Variants in TMEM11 observed in about 807,000 individuals in gnomAD.
TMEM11 encodes transmembrane protein 11, mitochondrial.
A neutral mutation model predicts 17.0 loss-of-function variants in TMEM11; 1 was observed. The ratio of observed to expected loss-of-function variants is 0.06; its 90% CI spans 0.02 to 0.28. TMEM11 has a LOEUF of 0.28. TMEM11 is among the 10% of genes least tolerant of loss of function. TMEM11 has a pLI of 1.00. For missense variants in TMEM11, 172 were observed against 252.9 expected (o/e 0.68, Z 2.17); for synonymous variants, 122 against 118.1 (o/e 1.03, Z -0.21).
chr17:21,198,825 G>T lies in TMEM11; in HGVS notation c.78C>A (p.Ala26=). 6.2e-7 allele frequency: 1 copy of T among 1,609,604 alleles called. No individual in the cohort carries two copies. The highest frequency in any genetic ancestry group is 8.5e-7 in the Non-Finnish European group (1 of 1,177,116). Residue 26 remains alanine (A), a synonymous_variant, in exon 2 of 2, where the codon GCC becomes GCA. Coordinates refer to ENST00000317635, the MANE Select transcript of TMEM11 (RefSeq NM_003876.3). The surrounding 1 kb of genome is among the most constrained non-coding windows in gnomAD (Gnocchi z 6.5). ...TCTCATGCACAATGTAGCAGTCTGT[G>T]GCCGACAAGCTCACCCTTTTGATGG... is the stretch of plus-strand genomic sequence containing the variant. ...GSARERVSLS[A]TDCYIVHEIY... is the part of the protein sequence containing the mutation.
intron 1 of TMEM11, among the ~76,000 whole-genome samples, chr17:21,201,331 C>A (rs1319714533): frequency 6.6e-6 from 1 of 152,210 alleles, no homozygotes; most frequent in Non-Finnish European, 1.5e-5. Context: ...GGCAAAGCCT[C>A]CTAATTCAAT....
At chr17:21,211,229 T>C (rs1974999686) in intron 1 of TMEM11, 2 of 1,288,976 alleles carry the variant, frequency 1.6e-6, no homozygotes, top group African/African-American at 3.0e-5. Flanking sequence ...GTTGGTTCCC[T>C]AGATTTAATG....
intron 1 of TMEM11, among the ~76,000 whole-genome samples, chr17:21,201,166 A>AT (rs1974878954): frequency 6.6e-6 from 1 of 152,232 alleles, no homozygotes; most frequent in African/African-American, 2.4e-5. Context: ...CACATTAAAG[A>AT]TGAAAGTCAT....
chr17:21,203,341 G>C (rs1457414341), intron 1 of TMEM11, among the ~76,000 whole-genome samples: 3 of 152,214 alleles, frequency 2.0e-5, no homozygotes, highest in Non-Finnish European at 4.4e-5. Context: ...TGCAGACACA[G>C]GTTTTTTAGC....
Position 21,208,142 on chromosome 17 carries a change from G to C in TMEM11, c.62+5949C>G, listed in dbSNP as rs182285713. On this transcript the variant is annotated intron_variant, in intron 1 of 1. Coordinates refer to ENST00000317635, the MANE Select transcript of TMEM11 (RefSeq NM_003876.3). ...AGAGTAGCTGGGACTACAGGCAATC[G>C]CCACCACGCCCGGCTAATTTTTTGT... is the stretch of plus-strand genomic sequence containing the variant. Among the ~76,000 whole-genome samples, 382 of 151,178 alleles carry C rather than the reference G, an allele frequency of 2.5e-3. 2 individuals carry two copies. The highest frequency in any genetic ancestry group is 0.018 in the Admixed American group (275 of 15,146).
rs771684408 is a variant in TMEM11 at position 21,210,930 on chromosome 17, A to T, written c.62+3161T>A. The T allele has an allele frequency of 4.7e-6, 6 of 1,281,680 alleles. No homozygotes were observed. In the African/African-American group the frequency reaches 7.6e-5, roughly 16 times the overall value. 79.4% of individuals were successfully genotyped at this position (1,281,680 alleles called of 1,614,324 possible). ...CAGGAACTCAAGAGCACACAGCTAT[A>T]CTCACATTCCAACAATCACGGAGGG... On this transcript the variant is annotated intron_variant, in intron 1 of 1. Transcript: ENST00000317635.
chr17:21,199,093 G>T (rs1005315641), intron 1 of TMEM11, among the ~76,000 whole-genome samples: 3 of 151,936 alleles, frequency 2.0e-5, no homozygotes, highest in African/African-American at 2.4e-5. Flanking sequence ...AGGCCGGGGG[G>T]GCGGATCATG....
intron 1 of TMEM11, among the ~76,000 whole-genome samples, chr17:21,202,852 TC>T (rs1420529364): frequency 2.0e-5 from 3 of 152,204 alleles, no homozygotes; most frequent in Non-Finnish European, 2.9e-5. Flanking sequence ...ATGGGGGCAC[TC>T]GCCAGCACAC....
chr17:21,207,084 T>C (rs1974950160), intron 1 of TMEM11, among the ~76,000 whole-genome samples: 1 of 152,188 alleles, frequency 6.6e-6, no homozygotes, highest in South Asian at 2.1e-4. Flanking sequence ...TTCTGGGTAT[T>C]TCATTTAAAT....
chr17:21,205,410 G>A (rs1974931825), intron 1 of TMEM11, among the ~76,000 whole-genome samples: 1 of 152,128 alleles, frequency 6.6e-6, no homozygotes, highest in South Asian at 2.1e-4. Flanking sequence ...CAACTATAAG[G>A]ACAGCAAGGG....
At chr17:21,202,947 G>T (rs542605553) in intron 1 of TMEM11, among the ~76,000 whole-genome samples, 2 of 152,228 alleles carry the variant, frequency 1.3e-5, no homozygotes, top group Admixed American at 6.5e-5. Flanking sequence ...GTCTTCATAT[G>T]GGCTGGGCAC....
At chr17:21,204,136 AAAAG>A (rs1974915836) in intron 1 of TMEM11, among the ~76,000 whole-genome samples, 1 of 150,616 alleles carries the variant, frequency 6.6e-6, no homozygotes, top group African/African-American at 2.4e-5. Context: ...AAAAAAAAAA[AAAAG>A]AAAGAAAAAG....
intron 1 of TMEM11, among the ~76,000 whole-genome samples, chr17:21,203,673 C>T (rs950125760): frequency 6.8e-6 from 1 of 146,312 alleles, no homozygotes; most frequent in Non-Finnish European, 1.5e-5. Flanking sequence ...TGCCACTGCA[C>T]TCCAGCCTGA....
At chr17:21,210,722 A>C (rs971465548) in intron 1 of TMEM11, among the ~76,000 whole-genome samples, 3 of 152,212 alleles carry the variant, frequency 2.0e-5, no homozygotes, top group Non-Finnish European at 4.4e-5. Context: ...AGCCCAGGGA[A>C]CTGGCTGCCT....
At chr17:21,213,985 C>T (rs371713374) in intron 1 of TMEM11, 106 bp downstream of exon 1, 58 of 1,104,156 alleles carry the variant, frequency 5.3e-5, no homozygotes, top group Middle Eastern at 3.0e-4. Context: ...GTAGGGGGAG[C>T]GCGGGGAAAC....
At chr17:21,205,702 C>T (rs192923299) in intron 1 of TMEM11, among the ~76,000 whole-genome samples, 2 of 152,034 alleles carry the variant, frequency 1.3e-5, no homozygotes, top group African/African-American at 4.8e-5. Flanking sequence ...ATGATCCCCC[C>T]ATTCCCCACC....
At chr17:21,200,579 C>T (rs551716533) in intron 1 of TMEM11, among the ~76,000 whole-genome samples, 1 of 152,308 alleles carries the variant, frequency 6.6e-6, no homozygotes, top group Admixed American at 6.5e-5. Context: ...GACTAAAGGA[C>T]ACAAGGCTCC....
At chr17:21,211,665 A>G (rs954014633) in intron 1 of TMEM11, among the ~76,000 whole-genome samples, 1 of 152,246 alleles carries the variant, frequency 6.6e-6, no homozygotes, top group African/African-American at 2.4e-5. Context: ...ACCTTTAAGT[A>G]CAATGCATGC....
In TMEM11 at chr17:21,213,824, C is replaced by T. The variant is rs181124974; in HGVS notation, c.62+267G>A. The T allele has an allele frequency of 2.2e-3, 1,081 of 499,122 alleles. 11 individuals carry two copies. Among genetic ancestry groups the T allele is most frequent in the African/African-American group, 0.02 (952 of 48,234 alleles). The allele number at this position is 499,122 out of a possible 1,614,324, so 30.9% of individuals were successfully genotyped here. On this transcript the variant is annotated intron_variant, in intron 1 of 1. Coordinates refer to ENST00000317635, the MANE Select transcript of TMEM11 (RefSeq NM_003876.3). ...TGGGCGCCAGTTCCTTTCAGCACGG[C>T]CCGGCCTCGGGCCCCGCCCCGCATG...
Sources: gnomAD v4.1 joint callset for allele counts (sites outside exome capture counted in the v4.1 genomes callset) on GRCh38, gnomAD v4.1.1 for gene constraint, Gnocchi (gnomAD v3.1) non-coding constraint, MANE v1.5 for transcripts, NCBI Gene and HGNC (gene_info 2026-07-23, HGNC 2026-07-21) for gene names.